The following RUNX1 variants were observed in gnomAD, a reference collection of about 807,000 sequenced individuals.
RUNX1 encodes the protein RUNX family transcription factor 1, also known as runt-related transcription factor 1.
RUNX1 carries 19 observed loss-of-function variants against 42.8 expected under a neutral mutation model. The observed-to-expected ratio is 0.44, with a 90% CI of 0.31 to 0.65. The LOEUF (loss-of-function observed/expected upper bound fraction) is 0.65, where lower values mean the gene tolerates loss of function less well. Ranked by LOEUF, RUNX1 falls within the 30% of genes least tolerant of loss-of-function variation. The pLI is 0.07. For missense variants in RUNX1, 528 were observed against 672.0 expected, an observed-to-expected ratio of 0.79 and a Z score of 2.37; for synonymous variants, 271 against 289.4, an observed-to-expected ratio of 0.94 and a Z score of 0.64.
intron 8 of RUNX1, chr21:34,797,907 A>G (rs933049488): frequency 7.3e-6 from 3 of 412,958 alleles, no homozygotes; most frequent in Admixed American, 5.3e-5. Flanking sequence ...GGGGGATGCT[A>G]TTGGCATCTA....
intron 2 of RUNX1, among the ~76,000 whole-genome samples, chr21:34,946,256 T>C (rs939798485): frequency 3.3e-5 from 5 of 152,204 alleles, no homozygotes; most frequent in African/African-American, 9.6e-5. Context: ...TCTTCACAAA[T>C]GCCTTATTCT....
In RUNX1 at chr21:34,789,941, A is replaced by C. The variant is rs936580197; in HGVS notation, c.*2194T>G. On this transcript the variant is annotated 3_prime_UTR_variant, in exon 9 of 9. Transcript: ENST00000675419. ...ACATGGTAACATGTGCTGAAAAAAA[A>C]CATTTACGTTTAATTTGGGGGAAAT... 1.6e-4 allele frequency: 37 copies of C among 233,088 alleles called. No homozygotes were observed. The highest frequency in any genetic ancestry group is 1.1e-3 in the East Asian group (19 of 16,562). 14.4% of individuals were successfully genotyped at this position (233,088 alleles called of 1,614,324 possible).
chr21:34,917,530 C>T (rs1485657442), intron 2 of RUNX1, among the ~76,000 whole-genome samples: 1 of 152,186 alleles, frequency 6.6e-6, no homozygotes, highest in Non-Finnish European at 1.5e-5. Flanking sequence ...AGTTTTAATA[C>T]TACATCAATC....
At chr21:34,987,139 T>G (rs1345426956) in intron 2 of RUNX1, among the ~76,000 whole-genome samples, 3 of 152,210 alleles carry the variant, frequency 2.0e-5, no homozygotes, top group Admixed American at 6.5e-5. Flanking sequence ...AAGAGGAACG[T>G]TGTTTTGACT....
intron 7 of RUNX1, among the ~76,000 whole-genome samples, chr21:34,829,699 T>C (rs1394657127): frequency 6.6e-6 from 1 of 152,242 alleles, no homozygotes; most frequent in Non-Finnish European, 1.5e-5. Context: ...CATATGAGGA[T>C]TTCTGGTGTT....
At chr21:35,037,112 G>A (rs1190966431) in intron 2 of RUNX1, among the ~76,000 whole-genome samples, 4 of 152,268 alleles carry the variant, frequency 2.6e-5, no homozygotes, top group East Asian at 1.9e-4. Flanking sequence ...AGCAAGTGTC[G>A]CCTTAAGTTT....
intron 2 of RUNX1, among the ~76,000 whole-genome samples, chr21:34,977,985 T>C (rs2146776371): frequency 6.6e-6 from 1 of 152,056 alleles, no homozygotes; most frequent in South Asian, 2.1e-4. Context: ...GCGGTGGCAG[T>C]GATCTTGGCT....
At chr21:34,888,705 G>A (rs1308930286) in intron 3 of RUNX1, 55 of 1,034,344 alleles carry the variant, frequency 5.3e-5, no homozygotes, top group Non-Finnish European at 6.2e-5. Context: ...AGAGTGCCTG[G>A]AAATGAACGT....
chr21:34,821,490 G>A (rs555667648), intron 7 of RUNX1: 149 of 1,451,840 alleles, frequency 1.0e-4, no homozygotes, highest in African/African-American at 1.5e-4. Flanking sequence ...TTATTGTTAC[G>A]ACGGTTTGCA....
chr21:35,034,085 G>A (rs919706252), intron 2 of RUNX1, among the ~76,000 whole-genome samples: 23 of 152,142 alleles, frequency 1.5e-4, no homozygotes, highest in Admixed American at 3.3e-4. Context: ...CAGCTTATTC[G>A]TCAGGCACCC....
chr21:34,888,030 T>A lies in RUNX1; in HGVS notation c.98-934A>T, dbSNP rs1041852757. ...GTGAACTCGGGTTTGGGGATGTTGG[T>A]TAAGTTTGTGGCTGGTCCTCTGGTT... On this transcript the variant is annotated intron_variant, in intron 3 of 8. Coordinates refer to ENST00000675419, the MANE Select transcript of RUNX1 (RefSeq NM_001754.5). 6 of 1,066,062 alleles carry A rather than the reference T, an allele frequency of 5.6e-6. No individual in the cohort carries two copies. The African/African-American group carries it at 9.8e-5, about 17-fold the overall frequency. 66.0% of individuals were successfully genotyped at this position (1,066,062 alleles called of 1,614,324 possible).
intron 2 of RUNX1, among the ~76,000 whole-genome samples, chr21:34,993,498 TACACACACAC>T (rs71324340): frequency 0.015 from 1,989 of 128,520 alleles, 59 homozygotes; most frequent in African/African-American, 0.062. Flanking sequence ...TGTTTGTCCC[TACACACACAC>T]ACACACACAC....
chr21:34,830,599 A>T (rs1321556056), intron 7 of RUNX1, among the ~76,000 whole-genome samples: 1 of 152,226 alleles, frequency 6.6e-6, no homozygotes. Flanking sequence ...GTGCACGCCC[A>T]GGGAACGGCC....
At chr21:34,830,692 A>AGAGACAG (rs2057051187) in intron 7 of RUNX1, among the ~76,000 whole-genome samples, 1 of 152,212 alleles carries the variant, frequency 6.6e-6, no homozygotes, top group South Asian at 2.1e-4. Flanking sequence ...GATACTGGGC[A>AGAGACAG]ATTTTTAACC....
intron 2 of RUNX1, among the ~76,000 whole-genome samples, chr21:34,972,830 A>C (rs2058772671): frequency 6.6e-6 from 1 of 152,144 alleles, no homozygotes; most frequent in South Asian, 2.1e-4. Flanking sequence ...AGTTGCATGC[A>C]ACTGGACCCA....
At chr21:34,835,262 G>T (rs1190779744) in intron 6 of RUNX1, among the ~76,000 whole-genome samples, 1 of 152,084 alleles carries the variant, frequency 6.6e-6, no homozygotes, top group African/African-American at 2.4e-5. Context: ...ACTCCCCCAT[G>T]TACCCCTAAG....
At chr21:34,931,538 TGTATTATATTTTATATGTATATAACGTGA>T (rs899996462) in intron 2 of RUNX1, among the ~76,000 whole-genome samples, 2 of 147,786 alleles carry the variant, frequency 1.4e-5, no homozygotes, top group African/African-American at 5.1e-5. Flanking sequence ...TACACGTATA[TGTATTATATTTTATATGTATATAACGTGA>T]TATATGCGCC....
At chr21:34,821,654 A>G in intron 7 of RUNX1, 1 of 1,569,080 alleles carries the variant, frequency 6.4e-7, no homozygotes, top group Non-Finnish European at 8.6e-7. Context: ...TGGACAGAAG[A>G]ACTGACTTCT....
At chr21:34,934,575 G>A (rs1344984365) in intron 2 of RUNX1, among the ~76,000 whole-genome samples, 2 of 152,196 alleles carry the variant, frequency 1.3e-5, no homozygotes, top group Admixed American at 6.5e-5. Context: ...GCACCAAGGA[G>A]CTAAGAGGAC....
Sources: allele counts gnomAD v4.1 joint callset (sites outside exome capture counted in the v4.1 genomes callset), GRCh38; gene constraint gnomAD v4.1.1; transcripts MANE v1.5; gene names NCBI Gene and HGNC (gene_info 2026-07-23, HGNC 2026-07-21).